Variants in RAB7A observed in about 807,000 individuals in gnomAD.
RAB7A encodes the protein RAB7A, member RAS oncogene family.
Under a neutral mutation model 24.5 loss-of-function variants are expected in RAB7A, and 2 were observed. The ratio of observed to expected loss-of-function variants is 0.08; its 90% CI spans 0.03 to 0.26. The LOEUF (loss-of-function observed/expected upper bound fraction) is 0.26. RAB7A is among the 10% of genes least tolerant of loss of function. RAB7A has a pLI of 1.00. For synonymous variants in RAB7A, 100 were observed against 95.9 expected, an observed-to-expected ratio of 1.04 and a Z score of -0.25; for missense variants, 118 against 255.7, an observed-to-expected ratio of 0.46 and a Z score of 3.67.
chr3:128,731,869 A>G (rs2070440948), intron 1 of RAB7A, among the ~76,000 whole-genome samples: 1 of 151,614 alleles, frequency 6.6e-6, no homozygotes, highest in South Asian at 2.1e-4. Context: ...AGCTGGGCAT[A>G]GTGGCATGCA....
chr3:128,735,879 T>G (rs1446694217), intron 1 of RAB7A, among the ~76,000 whole-genome samples: 2 of 152,242 alleles, frequency 1.3e-5, no homozygotes, highest in Admixed American at 1.3e-4. Flanking sequence ...GGAATCATCC[T>G]GGTCTCTCGT....
At chr3:128,751,420 G>A (rs1266082860) in intron 1 of RAB7A, among the ~76,000 whole-genome samples, 1 of 152,224 alleles carries the variant, frequency 6.6e-6, no homozygotes, top group Non-Finnish European at 1.5e-5. Context: ...TGACGTGGAT[G>A]TGAGACATGG....
At chr3:128,769,448 A>G (rs960712653) in intron 1 of RAB7A, among the ~76,000 whole-genome samples, 2 of 152,182 alleles carry the variant, frequency 1.3e-5, no homozygotes, top group African/African-American at 4.8e-5. Context: ...TGAAGCATCT[A>G]TTAGATCTTT....
At chr3:128,769,210 C>A (rs975470748) in intron 1 of RAB7A, among the ~76,000 whole-genome samples, 1 of 151,898 alleles carries the variant, frequency 6.6e-6, no homozygotes, top group Non-Finnish European at 1.5e-5. Flanking sequence ...ATTTTCATCA[C>A]CCCAAAGTAT....
At chr3:128,809,091 A>T (rs1933863405) in intron 5 of RAB7A, among the ~76,000 whole-genome samples, 1 of 152,228 alleles carries the variant, frequency 6.6e-6, no homozygotes, top group Non-Finnish European at 1.5e-5. Flanking sequence ...AAATCCAAAT[A>T]TGTGTAGGAA....
intron 1 of RAB7A, among the ~76,000 whole-genome samples, chr3:128,744,046 C>T (rs1231311163): frequency 2.6e-5 from 4 of 151,822 alleles, no homozygotes; most frequent in Non-Finnish European, 5.9e-5. Flanking sequence ...GCCTTGACCT[C>T]CCAAAGTGTT....
intron 1 of RAB7A, among the ~76,000 whole-genome samples, chr3:128,762,940 A>G (rs1298139788): frequency 3.3e-5 from 5 of 152,116 alleles, no homozygotes; most frequent in Admixed American, 2.0e-4. Flanking sequence ...TTGAGCTACT[A>G]CAAAGTAAAT....
At chr3:128,768,969 CTTT>C (rs35457218) in intron 1 of RAB7A, among the ~76,000 whole-genome samples, 729 of 72,566 alleles carry the variant, frequency 0.01, 5 homozygotes, top group African/African-American at 0.042. Context: ...TCTTTCTTTC[CTTT>C]TTTTTTTTTT....
chr3:128,808,061 T>TA (rs931958472), intron 5 of RAB7A, among the ~76,000 whole-genome samples: 19 of 151,494 alleles, frequency 1.3e-4, no homozygotes, highest in African/African-American at 4.4e-4. Context: ...AGTTTGGGCT[T>TA]AAAAAAAAAT....
intron 1 of RAB7A, among the ~76,000 whole-genome samples, chr3:128,770,872 C>G (rs1261878286): frequency 6.6e-6 from 1 of 151,988 alleles, no homozygotes; most frequent in Non-Finnish European, 1.5e-5. Flanking sequence ...TTATACTACT[C>G]TTTTCCATAA....
chr3:128,766,573 A>G (rs1280400858), intron 1 of RAB7A, among the ~76,000 whole-genome samples: 1 of 152,180 alleles, frequency 6.6e-6, no homozygotes, highest in East Asian at 1.9e-4. Context: ...TGAACCAAAG[A>G]TCACTGTCGA....
At chr3:128,742,244 C>T (rs893660191) in intron 1 of RAB7A, among the ~76,000 whole-genome samples, 3 of 152,038 alleles carry the variant, frequency 2.0e-5, no homozygotes, top group Non-Finnish European at 2.9e-5. Context: ...TTCGTGATCT[C>T]GCTGGCTTCA....
intron 4 of RAB7A, among the ~76,000 whole-genome samples, chr3:128,807,042 C>T (rs1471265568): frequency 5.9e-5 from 9 of 152,226 alleles, no homozygotes; most frequent in Admixed American, 4.6e-4. Context: ...TTTCTGACCA[C>T]AGATCTTTTC....
At chr3:128,739,792 G>A (rs1365554874) in intron 1 of RAB7A, among the ~76,000 whole-genome samples, 1 of 152,120 alleles carries the variant, frequency 6.6e-6, no homozygotes, top group African/African-American at 2.4e-5. Flanking sequence ...TAATAGGGCC[G>A]GGCGCAGTGG....
chr3:128,775,469 G>C (rs1042995814), intron 1 of RAB7A, among the ~76,000 whole-genome samples: 1 of 152,040 alleles, frequency 6.6e-6, no homozygotes, highest in East Asian at 1.9e-4. Context: ...ACATTCTGTG[G>C]GCTTCCTGAT....
chr3:128,805,432 G>A (rs1037179099), intron 3 of RAB7A, among the ~76,000 whole-genome samples: 1 of 152,088 alleles, frequency 6.6e-6, no homozygotes, highest in African/African-American at 2.4e-5. Context: ...CGGATCTAGG[G>A]CAGTAAGTAT....
intron 1 of RAB7A, among the ~76,000 whole-genome samples, chr3:128,783,595 G>T (rs141760099): frequency 6.6e-6 from 1 of 152,084 alleles, no homozygotes; most frequent in East Asian, 1.9e-4. Flanking sequence ...TTATGTGCCC[G>T]CTCAGGCCTC....
At chr3:128,754,796 G>T (rs1045315671) in intron 1 of RAB7A, among the ~76,000 whole-genome samples, 1 of 152,058 alleles carries the variant, frequency 6.6e-6, no homozygotes, top group Non-Finnish European at 1.5e-5. Context: ...AAAAGTTTAC[G>T]AGACAAAGCA....
At position 128,726,325 on chromosome 3, in the gene RAB7A, G is replaced by C. The variant is rs1559775967; in HGVS notation, c.-43G>C. On this transcript the variant is annotated 5_prime_UTR_variant, in exon 1 of 6. Coordinates refer to ENST00000265062, the MANE Select transcript of RAB7A (RefSeq NM_004637.6). ...CCTCCTCGGCGGGAGCCCTCGCGAC[G>C]CGCCCGGCCCGGAGCCCCCAGCGCA... The C allele has an allele frequency of 6.6e-6, 1 of 152,394 alleles. No individual in the cohort carries two copies. The allele number at this position is 152,394 out of a possible 1,614,324, so 9.4% of individuals were successfully genotyped here. A position where few individuals can be genotyped will look rare whatever the true frequency, so the allele number is the denominator to read the frequency against.
Sources: allele counts gnomAD v4.1 joint callset (sites outside exome capture counted in the v4.1 genomes callset), GRCh38; gene constraint gnomAD v4.1.1; transcripts MANE v1.5; gene names NCBI Gene and HGNC (gene_info 2026-07-23, HGNC 2026-07-21).